Variants in AKNAD1 observed in about 807,000 individuals in gnomAD.
The protein encoded by AKNAD1 is protein AKNAD1.
AKNAD1 carries 67 observed loss-of-function variants against 90.8 expected under a neutral mutation model. The observed-to-expected ratio is 0.74, with a 90% CI of 0.61 to 0.90. The LOEUF is 0.90. AKNAD1 is among the 40% of genes least tolerant of loss of function. The pLI is 0.00. For missense variants in AKNAD1, 957 were observed against 975.4 expected (o/e 0.98, Z 0.25); for synonymous variants, 327 against 341.4 (o/e 0.96, Z 0.46).
intron 5 of AKNAD1, among the ~76,000 whole-genome samples, chr1:108,844,817 C>CTT (rs58471346): frequency 2.0e-4 from 29 of 145,222 alleles, no homozygotes; most frequent in South Asian, 4.4e-4. Context: ...ATTATTAATT[C>CTT]TTTTTTTTTT....
intron 1 of AKNAD1, among the ~76,000 whole-genome samples, chr1:108,856,527 C>T (rs775064182): frequency 1.3e-5 from 2 of 150,650 alleles, no homozygotes; most frequent in Non-Finnish European, 1.5e-5. Flanking sequence ...AAGCAAGACC[C>T]TGTCTCTACA....
intron 13 of AKNAD1, among the ~76,000 whole-genome samples, chr1:108,821,876 G>A (rs1013051289): frequency 1.1e-4 from 17 of 150,972 alleles, no homozygotes; most frequent in Non-Finnish European, 2.1e-4. Context: ...TCTTCCCCTC[G>A]TTCTCCCTCC....
chr1:108,843,375 G>T, intron 5 of AKNAD1, 108 bp from the exon 6 acceptor site: 1 of 1,337,478 alleles, frequency 7.5e-7, no homozygotes, highest in African/African-American at 1.5e-5. Flanking sequence ...AAACAAAGCT[G>T]CCATCCTTCT....
In AKNAD1 at chr1:108,827,291, A is replaced by G. The variant is rs1209191502; in HGVS notation, c.1850T>C (p.Val617Ala). 1.4e-5 allele frequency: 23 copies of G among 1,609,964 alleles called. No homozygotes were observed. Among genetic ancestry groups the G allele is most frequent in the Non-Finnish European group, 2.0e-5 (23 of 1,178,084 alleles). The stretch of plus-strand genomic sequence containing the variant: ...GATCCTTCCGTGGCCCTTTTTCTCC[A>G]CGTTTTGCTTCCTAAAAAAAGGTGC... ...CRRLLEWKQN[V>A]EKKGHGRINC... Residue 617 changes from valine (V) to alanine (A), a missense_variant, in exon 11 of 16, where the codon GTG (valine) becomes GCG (alanine). Coordinates refer to ENST00000370001, the MANE Select transcript of AKNAD1 (RefSeq NM_152763.5).
At chr1:108,834,677 C>T (rs1441836380) in intron 8 of AKNAD1, 149 bp from the exon 9 acceptor site, 1 of 913,606 alleles carries the variant, frequency 1.1e-6, no homozygotes, top group Admixed American at 2.7e-5. Context: ...CTCATGCGGC[C>T]ACTTGACCTT....
Position 108,852,465 on chromosome 1 carries a change from G to T in AKNAD1, c.200C>A (p.Thr67Lys). 1 of 1,613,724 alleles carries T rather than the reference G, an allele frequency of 6.2e-7. No homozygotes were observed. Among genetic ancestry groups the T allele is most frequent in the Non-Finnish European group, 8.5e-7 (1 of 1,179,828 alleles). ...TTTACCCAGGGGTATGGTCACAGCTGTATTTCCACAAGTCTCACTATGCAT... is the reference window on the plus strand; with the variant it reads ...TTTACCCAGGGGTATGGTCACAGCTTTATTTCCACAAGTCTCACTATGCAT... ...KAMHSETCGN[T>K]AVTIPLGKIT... is the part of the protein sequence containing the mutation. Residue 67 changes from threonine to lysine, a missense_variant, in exon 2 of 16, where the codon ACA (threonine) becomes AAA (lysine). Transcript: ENST00000370001.
intron 5 of AKNAD1, 125 bp from the exon 6 acceptor site, chr1:108,843,392 A>G (rs954550071): frequency 8.1e-7 from 1 of 1,233,544 alleles, no homozygotes; most frequent in African/African-American, 1.5e-5. Flanking sequence ...TTCTCCCAGC[A>G]GCATAAATTG....
Position 108,834,529 on chromosome 1 carries a change from C to G in AKNAD1, c.1665-1G>C, listed in dbSNP as rs1553202460. 3 of 1,476,792 alleles carry G rather than the reference C, an allele frequency of 2.0e-6. No homozygotes were observed. The African/African-American group carries it at 6.2e-5, about 31-fold the overall frequency. 91.5% of individuals were successfully genotyped at this position (1,476,792 alleles called of 1,614,324 possible). On this transcript the variant is annotated splice_acceptor_variant, in intron 8 of 15. Coordinates refer to ENST00000370001, the MANE Select transcript of AKNAD1 (RefSeq NM_152763.5). LOFTEE classifies it high-confidence loss of function. ...ATCTCCATAATGACCGTTTAGGTAACTAATTTAAAAAAAAAAAAAGCAGTT... is the reference window on the plus strand; with the variant it reads ...ATCTCCATAATGACCGTTTAGGTAAGTAATTTAAAAAAAAAAAAAGCAGTT...
intron 5 of AKNAD1, among the ~76,000 whole-genome samples, chr1:108,846,267 A>G (rs551468792): frequency 2.8e-4 from 42 of 152,122 alleles, no homozygotes; most frequent in African/African-American, 8.4e-4. Context: ...GTCAGGAGCC[A>G]CCTTTACTCT....
Position 108,837,694 on chromosome 1 carries a change from A to G in AKNAD1, c.1392T>C (p.Gly464=), listed in dbSNP as rs201331244. Residue 464 remains glycine (G), a synonymous_variant, in exon 7 of 16, where the codon GGT becomes GGC. Coordinates refer to ENST00000370001, the MANE Select transcript of AKNAD1 (RefSeq NM_152763.5). ...GDFDPERKVE[G]EIFKLEMLLE... is the part of the protein sequence containing the mutation. ...GCAGCATCTCCAATTTGAAGATTTC[A>G]CCTTCCACTTTTCTAAGTAAACATA... The G allele has an allele frequency of 1.2e-6, 2 of 1,614,124 alleles. No individual in the cohort carries two copies. The highest frequency in any genetic ancestry group is 2.7e-5 in the African/African-American group (2 of 75,068).
Position 108,843,356 on chromosome 1 carries a change from G to A in AKNAD1, c.1246-89C>T. On this transcript the variant is annotated intron_variant, in intron 5 of 15. Transcript: ENST00000370001. ...AAACACAAAGCAGGTGTACCCTACA[G>A]TAGTGTCAAAACAAAGCTGCCATCC... The A allele has an allele frequency of 2.0e-6, 3 of 1,490,564 alleles. 1 individual carries two copies. The highest frequency in any genetic ancestry group is 2.6e-5 in the South Asian group (2 of 77,348). The allele number at this position is 1,490,564 out of a possible 1,614,324, so 92.3% of individuals were successfully genotyped here.
intron 9 of AKNAD1, among the ~76,000 whole-genome samples, chr1:108,832,506 C>T (rs920005252): frequency 5.9e-5 from 9 of 151,568 alleles, no homozygotes; most frequent in Non-Finnish European, 1.0e-4. Flanking sequence ...ATTACAGGCG[C>T]GAGCCACTGC....
At chr1:108,848,077 A>G (rs1442433787) in intron 5 of AKNAD1, among the ~76,000 whole-genome samples, 3 of 152,206 alleles carry the variant, frequency 2.0e-5, no homozygotes, top group East Asian at 1.9e-4. Context: ...TCTGAAGCAC[A>G]GCCCTCCCTA....
At chr1:108,829,941 C>G (rs1664132928) in intron 10 of AKNAD1, among the ~76,000 whole-genome samples, 1 of 152,126 alleles carries the variant, frequency 6.6e-6, no homozygotes, top group Non-Finnish European at 1.5e-5. Flanking sequence ...ATGGGTGTTT[C>G]AAAAACAAAG....
rs1475727589 is a variant in AKNAD1, at chr1:108,852,024, A to G, written c.641T>C (p.Val214Ala). 6.2e-7 allele frequency: 1 copy of G among 1,613,956 alleles called. No homozygotes were observed. Among genetic ancestry groups the G allele is most frequent in the Non-Finnish European group, 8.5e-7 (1 of 1,179,988 alleles). The change falls in exon 2 of 16, where the codon GTT becomes GCT. Residue 214 changes from valine to alanine, a missense_variant. Val to Ala is a moderately conservative substitution (Grantham distance 64). Transcript: ENST00000370001. The part of the protein sequence containing the change: ...GDSSHQENVN[V>A]LTKTKGPGDK... ...ACCTGGACCCTTGGTTTTAGTTAGA[A>G]CATTCACATTTTCTTGATGGCTGCT... is the stretch of plus-strand genomic sequence containing the variant.
chr1:108,818,607 T>C (rs1039519123), intron 14 of AKNAD1, among the ~76,000 whole-genome samples: 4 of 152,066 alleles, frequency 2.6e-5, no homozygotes, highest in African/African-American at 7.2e-5. Context: ...CCACTTTACA[T>C]GCGGGGAAAT....
chr1:108,816,315 A>T lies in AKNAD1; in HGVS notation c.2380-13T>A. 1 of 1,603,978 alleles carries T rather than the reference A, an allele frequency of 6.2e-7. No individual in the cohort carries two copies. Among genetic ancestry groups the T allele is most frequent in the East Asian group, 2.2e-5 (1 of 44,590 alleles). On this transcript the variant is annotated splice_polypyrimidine_tract_variant and intron_variant, in intron 15 of 15. Coordinates refer to ENST00000370001, the MANE Select transcript of AKNAD1 (RefSeq NM_152763.5). Reference sequence around the variant, plus strand: ...CCGAGTTTAAAATCTACAGAGGAAAAGTCCACACATTTTAATTACATAAAC... The same window carrying T: ...CCGAGTTTAAAATCTACAGAGGAAATGTCCACACATTTTAATTACATAAAC...
chr1:108,829,881 G>A (rs1043165419), intron 10 of AKNAD1, among the ~76,000 whole-genome samples: 2 of 152,224 alleles, frequency 1.3e-5, no homozygotes, highest in Non-Finnish European at 2.9e-5. Flanking sequence ...CTACCTGAAA[G>A]AAGCTTCAAA....
In AKNAD1 at chr1:108,816,035, C is replaced by A; in HGVS notation, c.*136G>T. On this transcript the variant is annotated 3_prime_UTR_variant, in exon 16 of 16. Transcript: ENST00000370001. ...TTTTTCCTTTAAGTACTTTGTGTTA[C>A]CCATTTCTTATGGTTTCTGTGTTTT... is the stretch of plus-strand genomic sequence containing the variant. The A allele has an allele frequency of 1.2e-6, 1 of 867,550 alleles. No homozygotes were observed. The highest frequency in any genetic ancestry group is 2.9e-5 in the East Asian group (1 of 34,044). The allele number at this position is 867,550 out of a possible 1,614,324, so 53.7% of individuals were successfully genotyped here.
Sources: allele counts gnomAD v4.1 joint callset (sites outside exome capture counted in the v4.1 genomes callset), GRCh38; gene constraint gnomAD v4.1.1; transcripts MANE v1.5; gene names NCBI Gene and HGNC (gene_info 2026-07-23, HGNC 2026-07-21).